NPAS1: variants seen among roughly 807,000 people sequenced by gnomAD.
NPAS1 encodes neuronal PAS domain protein 1.
A neutral mutation model predicts 49.2 loss-of-function variants in NPAS1; 29 were observed. That is an observed-to-expected ratio of 0.59 (90% CI 0.44 to 0.80). The LOEUF (loss-of-function observed/expected upper bound fraction) is 0.80, where lower values mean the gene tolerates loss of function less well. NPAS1 is among the 30% of genes least tolerant of loss of function. The pLI is 0.00. For synonymous variants in NPAS1, 408 were observed against 380.4 expected (o/e 1.07, Z -0.84); for missense variants, 825 against 835.5 (o/e 0.99, Z 0.15).
chr19:47,020,900 C>G lies in NPAS1; in HGVS notation c.-42-106C>G, dbSNP rs1195763441. 4 of 402,664 alleles carry G rather than the reference C, an allele frequency of 9.9e-6. No homozygotes were observed. The South Asian group carries it at 1.5e-4, about 15-fold the overall frequency. 24.9% of individuals were successfully genotyped at this position (402,664 alleles called of 1,614,324 possible). On this transcript the variant is annotated intron_variant, in intron 1 of 11. Coordinates refer to ENST00000602212, the MANE Select transcript of NPAS1 (RefSeq NM_002517.4). ...AAACTGAGGCATCATCCAGGCCCCC[C>G]CCCCCCCAGCTCCTTGCTGGGACCC...
At chr19:47,022,402 C>T (rs1342978240) in intron 3 of NPAS1, among the ~76,000 whole-genome samples, 3 of 152,348 alleles carry the variant, frequency 2.0e-5, no homozygotes, top group East Asian at 3.9e-4. Context: ...TTTGCAACCC[C>T]GGGCAGGTCG....
intron 5 of NPAS1, 82 bp from the exon 6 acceptor site, chr19:47,035,882 A>C (rs972649191): frequency 2.1e-5 from 29 of 1,397,396 alleles, no homozygotes; most frequent in East Asian, 5.2e-5. Flanking sequence ...CAGGCAAATG[A>C]GGCAAGGCTG....
At chr19:47,026,128 AG>A (rs567543336) in intron 3 of NPAS1, among the ~76,000 whole-genome samples, 17 of 151,792 alleles carry the variant, frequency 1.1e-4, no homozygotes, top group African/African-American at 2.4e-4. Context: ...TAGTAGAGAC[AG>A]GGTTTCGCCA....
chr19:47,042,978 G>A (rs956640435), intron 11 of NPAS1, 74 bp downstream of exon 11: 6 of 1,145,818 alleles, frequency 5.2e-6, no homozygotes, highest in South Asian at 5.1e-5. Context: ...CATTCCAGAA[G>A]CCACTAGCCA....
At chr19:47,038,744 T>C (rs912701653) in intron 6 of NPAS1, among the ~76,000 whole-genome samples, 6 of 152,114 alleles carry the variant, frequency 3.9e-5, no homozygotes, top group African/African-American at 1.4e-4. Context: ...GAAGAATCAC[T>C]TGAACCCAGG....
chr19:47,023,725 G>A (rs1266794460), intron 3 of NPAS1, among the ~76,000 whole-genome samples: 4 of 152,156 alleles, frequency 2.6e-5, no homozygotes, highest in African/African-American at 9.7e-5. Context: ...CGCCAAGGTG[G>A]GAGGAAAGCT....
intron 11 of NPAS1, among the ~76,000 whole-genome samples, chr19:47,043,278 C>CAAA (rs1170715547): frequency 2.9e-4 from 17 of 58,596 alleles, no homozygotes; most frequent in Admixed American, 1.1e-3. Flanking sequence ...GACTCTGTCT[C>CAAA]AAAAAAAAAA....
rs2122417966 is a variant in NPAS1, at chr19:47,021,009, A to T, written c.-39A>T. The T allele has an allele frequency of 6.4e-7, 1 of 1,557,784 alleles. No individual in the cohort carries two copies. Among genetic ancestry groups the T allele is most frequent in the East Asian group, 2.4e-5 (1 of 41,934 alleles). The stretch of plus-strand genomic sequence containing the variant: ...CCCTGGCCCCCTCCCGCTGCAGGAG[A>T]CTCGGGGCTCGGAGCCCGCCTGAGC... On this transcript the variant is annotated 5_prime_UTR_variant, in exon 2 of 12. Coordinates refer to ENST00000602212, the MANE Select transcript of NPAS1 (RefSeq NM_002517.4). The surrounding 1 kb of genome is among the most constrained non-coding windows in gnomAD (Gnocchi z 5.7).
At chr19:47,042,991 T>G in intron 11 of NPAS1, 87 bp downstream of exon 11, 1 of 994,312 alleles carries the variant, frequency 1.0e-6, no homozygotes, top group Non-Finnish European at 1.4e-6. Context: ...ACTAGCCACA[T>G]GCAGCCATTT....
chr19:47,043,484 G>T (rs1450012054), intron 11 of NPAS1, among the ~76,000 whole-genome samples: 1 of 150,814 alleles, frequency 6.6e-6, no homozygotes, highest in African/African-American at 2.4e-5. Flanking sequence ...CAACTACTCG[G>T]GAGGCTAAGG....
chr19:47,045,396 T>G lies in NPAS1; in HGVS notation c.1518T>G (p.Asp506Glu), dbSNP rs1219388602. 1 of 1,612,330 alleles carries G rather than the reference T, an allele frequency of 6.2e-7. No individual in the cohort carries two copies. Among genetic ancestry groups the G allele is most frequent in the Admixed American group, 1.7e-5 (1 of 59,796 alleles). Reference sequence around the variant, plus strand: ...TCCGGGCAGGGGTCCTGAAGCAGGATCCGGTGCGGCCATGGGGCCTGGCGC... The same window carrying G: ...TCCGGGCAGGGGTCCTGAAGCAGGAGCCGGTGCGGCCATGGGGCCTGGCGC... ...SVIRAGVLKQ[D>E]PVRPWGLAPP... Residue 506 changes from aspartate (D) to glutamate (E), a missense_variant, in exon 12 of 12, where the codon GAT (aspartate) becomes GAG (glutamate). Transcript: ENST00000602212.
rs2057070864 is a variant in NPAS1, at chr19:47,045,596, T to TGGGCCTGCCCTACCCG, written c.1724_1739dup (p.Gly582LeufsTer35). On this transcript the variant is annotated frameshift_variant, in exon 12 of 12. Transcript: ENST00000602212. LOFTEE classifies it high-confidence loss of function. ...CTCCCGGAGGCCTTTTACCCGCCCC[T>TGGGCCTGCCCTACCCG]GGGCCTGCCCTACCCGGGGCCCGCG... The TGGGCCTGCCCTACCCG allele has an allele frequency of 2.0e-6, 3 of 1,473,078 alleles. No individual in the cohort carries two copies. The East Asian group carries it at 7.8e-5, about 38-fold the overall frequency. The allele number at this position is 1,473,078 out of a possible 1,614,324, so 91.3% of individuals were successfully genotyped here.
At chr19:47,042,271 T>C (rs1239931319) in intron 10 of NPAS1, among the ~76,000 whole-genome samples, 1 of 152,162 alleles carries the variant, frequency 6.6e-6, no homozygotes, top group Non-Finnish European at 1.5e-5. Flanking sequence ...ATCATGCCAC[T>C]GCACTCCAGC....
At chr19:47,020,051 G>T (rs1424710591) in intron 1 of NPAS1, 54 bp downstream of exon 1, 2 of 373,682 alleles carry the variant, frequency 5.4e-6, no homozygotes, top group South Asian at 1.3e-4. Flanking sequence ...CCAGAGGAAT[G>T]GGGGGCTGGA....
chr19:47,036,318 C>G (rs1040838611), intron 6 of NPAS1, among the ~76,000 whole-genome samples, 189 bp downstream of exon 6: 2 of 152,162 alleles, frequency 1.3e-5, no homozygotes, highest in Non-Finnish European at 2.9e-5. Flanking sequence ...TGCCAAACTC[C>G]CAAAGATTCG....
chr19:47,035,917 G>A, intron 5 of NPAS1, 47 bp from the exon 6 acceptor site: 2 of 1,463,684 alleles, frequency 1.4e-6, no homozygotes, highest in Non-Finnish European at 1.8e-6. Flanking sequence ...GCGAGTTACT[G>A]CGCGCGCACC....
chr19:47,033,920 G>A lies in NPAS1; in HGVS notation c.522+1188G>A, dbSNP rs1416508883. Reference sequence around the variant, plus strand: ...GAGCCCATAGGGTCAAGGTGGCAGTGAGCCATGATGAAGCCACTGCACTCC... The same window carrying A: ...GAGCCCATAGGGTCAAGGTGGCAGTAAGCCATGATGAAGCCACTGCACTCC... On this transcript the variant is annotated intron_variant, in intron 5 of 11. Transcript: ENST00000602212. Among the ~76,000 whole-genome samples, 5 of 137,842 alleles carry A rather than the reference G, an allele frequency of 3.6e-5. No individual in the cohort carries two copies. In the Admixed American group the frequency reaches 3.9e-4, roughly 11 times the overall value. 90.4% of individuals were successfully genotyped at this position (137,842 alleles called of 152,430 possible).
chr19:47,032,144 C>G (rs1219231713), intron 3 of NPAS1, 134 bp from the exon 4 acceptor site: 2 of 732,952 alleles, frequency 2.7e-6, no homozygotes, highest in Non-Finnish European at 2.3e-6. Flanking sequence ...GTCTCTCCCC[C>G]ATGGGTGCCC....
rs577562051 is a variant in NPAS1, at chr19:47,028,111, G to A, written c.359-4167G>A. Among the ~76,000 whole-genome samples the A allele has an allele frequency of 1.7e-4, 25 of 149,524 alleles. No individual in the cohort carries two copies. The South Asian group carries it at 2.8e-3, about 17-fold the overall frequency. ...CACCACCACACCCCCTAATCCCGAC[G>A]TGCCCATTAATGTTGTTAATTGCAG... On this transcript the variant is annotated intron_variant, in intron 3 of 11. Transcript: ENST00000602212.
Sources: allele counts gnomAD v4.1 joint callset (sites outside exome capture counted in the v4.1 genomes callset), GRCh38; gene constraint gnomAD v4.1.1; non-coding constraint Gnocchi (gnomAD v3.1); transcripts MANE v1.5; gene names NCBI Gene and HGNC (gene_info 2026-07-23, HGNC 2026-07-21).